Variants in SORCS1 observed in about 807,000 individuals in gnomAD.
SORCS1 encodes the protein VPS10 domain-containing receptor SorCS1.
SORCS1 carries 60 observed loss-of-function variants against 146.1 expected under a neutral mutation model. The observed-to-expected ratio is 0.41, with a 90% CI of 0.33 to 0.51. The LOEUF (loss-of-function observed/expected upper bound fraction) is 0.51. Ranked by LOEUF, SORCS1 falls within the 20% of genes least tolerant of loss-of-function variation. The probability of loss-of-function intolerance (pLI) is 0.21; values close to 1 mark genes in which losing one functional copy is unlikely to be tolerated. For synonymous variants in SORCS1, 637 were observed against 584.0 expected, an observed-to-expected ratio of 1.09 and a Z score of -1.31; for missense variants, 1,352 against 1,487.6, an observed-to-expected ratio of 0.91 and a Z score of 1.50.
chr10:106,877,024 T>G (rs1257426426), intron 2 of SORCS1, among the ~76,000 whole-genome samples: 2 of 152,198 alleles, frequency 1.3e-5, no homozygotes, highest in Non-Finnish European at 2.9e-5. Flanking sequence ...TAATTAGACA[T>G]TTACCTAATG....
intron 2 of SORCS1, among the ~76,000 whole-genome samples, chr10:106,892,505 G>T (rs2137913360): frequency 6.6e-6 from 1 of 152,280 alleles, no homozygotes; most frequent in East Asian, 1.9e-4. Context: ...ACAGTTCAAA[G>T]CTTTAAATTT....
chr10:106,757,183 G>T (rs1858712628), intron 5 of SORCS1, among the ~76,000 whole-genome samples: 1 of 152,072 alleles, frequency 6.6e-6, no homozygotes. Flanking sequence ...TTCCAGGGGT[G>T]GCATGACCAT....
chr10:107,086,061 T>C (rs79787288), intron 1 of SORCS1, among the ~76,000 whole-genome samples: 92 of 152,370 alleles, frequency 6.0e-4, no homozygotes, highest in Non-Finnish European at 1.0e-3. Flanking sequence ...TTTTCAAAGC[T>C]TGTTTTCACA....
At chr10:106,878,620 G>GTGTATATA (rs904386657) in intron 2 of SORCS1, among the ~76,000 whole-genome samples, 22 of 84,922 alleles carry the variant, frequency 2.6e-4, no homozygotes, top group African/African-American at 9.2e-4. Flanking sequence ...AAACTACCTA[G>GTGTATATA]TATATATATA....
chr10:106,666,552 CTCTTTT>C (rs948404645), intron 17 of SORCS1, among the ~76,000 whole-genome samples: 1 of 147,582 alleles, frequency 6.8e-6, no homozygotes, highest in Non-Finnish European at 1.5e-5. Context: ...ATAAATCTCT[CTCTTTT>C]TTTTTTTTTT....
rs143379549 is a variant in SORCS1 at position 107,101,216 on chromosome 10, T to C, written c.558+62753A>G. Among the ~76,000 whole-genome samples, 770 of 152,314 alleles carry C rather than the reference T, an allele frequency of 5.1e-3. 6 individuals are homozygous for C. Among genetic ancestry groups the C allele is most frequent in the African/African-American group, 0.017 (707 of 41,572 alleles). On this transcript the variant is annotated intron_variant, in intron 1 of 25. Coordinates refer to ENST00000263054, the MANE Select transcript of SORCS1 (RefSeq NM_052918.5). The stretch of plus-strand genomic sequence containing the variant: ...CTGCCACCACACCTGGCTAATAGTT[T>C]ATATTTTTATTAGAGACGGGGTTTC...
At chr10:107,030,538 TTCATAAG>T (rs2133927147) in intron 1 of SORCS1, among the ~76,000 whole-genome samples, 1 of 152,292 alleles carries the variant, frequency 6.6e-6, no homozygotes, top group Non-Finnish European at 1.5e-5. Context: ...TAGGCACATA[TTCATAAG>T]AGGTTTTAAA....
At chr10:106,985,302 A>G (rs1175970433) in intron 1 of SORCS1, among the ~76,000 whole-genome samples, 4 of 152,218 alleles carry the variant, frequency 2.6e-5, no homozygotes, top group African/African-American at 9.6e-5. Context: ...GAAACATTAC[A>G]TGAAATACGT....
chr10:107,083,269 A>T (rs1261356293), intron 1 of SORCS1, among the ~76,000 whole-genome samples: 1 of 152,184 alleles, frequency 6.6e-6, no homozygotes, highest in African/African-American at 2.4e-5. Context: ...TGTGGTAAGC[A>T]GATTTGAAAG....
intron 1 of SORCS1, among the ~76,000 whole-genome samples, chr10:107,010,858 A>G (rs1957668734): frequency 6.6e-6 from 1 of 152,178 alleles, no homozygotes; most frequent in Non-Finnish European, 1.5e-5. Context: ...TGTCTTGCAG[A>G]TAATTTCAGT....
intron 3 of SORCS1, among the ~76,000 whole-genome samples, chr10:106,785,628 G>A (rs1475258875): frequency 6.6e-6 from 1 of 152,100 alleles, no homozygotes; most frequent in East Asian, 1.9e-4. Context: ...AATATACTAG[G>A]GTGTACTGGG....
At chr10:107,031,491 T>C (rs573976125) in intron 1 of SORCS1, among the ~76,000 whole-genome samples, 9 of 152,308 alleles carry the variant, frequency 5.9e-5, no homozygotes, top group African/African-American at 1.4e-4. Flanking sequence ...ACTATTTCCA[T>C]TCTTATTGAA....
intron 2 of SORCS1, among the ~76,000 whole-genome samples, chr10:106,850,199 G>T (rs1343994418): frequency 1.3e-5 from 2 of 151,956 alleles, no homozygotes; most frequent in Non-Finnish European, 2.9e-5. Context: ...CTGCCGCCTT[G>T]CAGTTTGATC....
At chr10:107,108,884 G>A (rs1170468798) in intron 1 of SORCS1, among the ~76,000 whole-genome samples, 4 of 152,154 alleles carry the variant, frequency 2.6e-5, no homozygotes, top group Admixed American at 6.5e-5. Flanking sequence ...ATTCCAAAAG[G>A]GAGAAGTCAG....
intron 10 of SORCS1, among the ~76,000 whole-genome samples, chr10:106,687,860 C>T (rs1394418190): frequency 6.6e-6 from 1 of 152,164 alleles, no homozygotes; most frequent in Non-Finnish European, 1.5e-5. Context: ...ACAGGTTACT[C>T]ATGAGAAAAT....
At position 107,068,136 on chromosome 10, in the gene SORCS1, A is replaced by C. The variant is rs182249558; in HGVS notation, c.558+95833T>G. On this transcript the variant is annotated intron_variant, in intron 1 of 25. Coordinates refer to ENST00000263054, the MANE Select transcript of SORCS1 (RefSeq NM_052918.5). ...ATGCGAATTGCTTTCAGTAATCATC[A>C]TCCTCCTTCCCCTCCCTAGTTTGGA... Among the ~76,000 whole-genome samples the C allele has an allele frequency of 3.9e-3, 600 of 152,240 alleles. 2 individuals carry two copies. Among genetic ancestry groups the C allele is most frequent in the African/African-American group, 0.014 (569 of 41,538 alleles).
At chr10:106,688,141 A>G in intron 10 of SORCS1, 51 bp downstream of exon 10, 2 of 1,581,674 alleles carry the variant, frequency 1.3e-6, no homozygotes, top group Non-Finnish European at 1.7e-6. Flanking sequence ...TTAAATATCC[A>G]TTTCCATCCC....
rs138808018 is a variant in SORCS1 at position 106,994,906 on chromosome 10, T to C, written c.559-38326A>G. Among the ~76,000 whole-genome samples the C allele has an allele frequency of 2.2e-3, 330 of 152,346 alleles. 3 individuals are homozygous for C. The highest frequency in any genetic ancestry group is 7.4e-3 in the African/African-American group (307 of 41,590). ...TTCTGCATAGAAAGCAAAGTGAATC[T>C]ATCCGTTTCCTCATAAAAGTTAAAT... On this transcript the variant is annotated intron_variant, in intron 1 of 25. Transcript: ENST00000263054.
chr10:106,887,642 T>C (rs1951051513), intron 2 of SORCS1, among the ~76,000 whole-genome samples: 1 of 152,056 alleles, frequency 6.6e-6, no homozygotes, highest in Non-Finnish European at 1.5e-5. Context: ...GAAAATAGCC[T>C]TTCAATAAGT....
Sources: gnomAD v4.1 joint callset for allele counts (sites outside exome capture counted in the v4.1 genomes callset) on GRCh38, gnomAD v4.1.1 for gene constraint, MANE v1.5 for transcripts, NCBI Gene and HGNC (gene_info 2026-07-23, HGNC 2026-07-21) for gene names.